CRTAC1: variants seen among roughly 807,000 people sequenced by gnomAD.
CRTAC1 encodes cartilage acidic protein 1.
CRTAC1 carries 37 observed loss-of-function variants against 67.8 expected under a neutral mutation model. The ratio of observed to expected loss-of-function variants is 0.55; its 90% CI spans 0.42 to 0.72. CRTAC1 has a LOEUF of 0.72. CRTAC1 is among the 30% of genes least tolerant of loss of function. The pLI is 0.00. For synonymous variants in CRTAC1, 348 were observed against 371.0 expected (o/e 0.94, Z 0.71); for missense variants, 780 against 931.6 (o/e 0.84, Z 2.12).
intron 11 of CRTAC1, among the ~76,000 whole-genome samples, chr10:97,889,798 T>C (rs2050341404): frequency 6.6e-6 from 1 of 152,066 alleles, no homozygotes; most frequent in Non-Finnish European, 1.5e-5. Flanking sequence ...GCAGGGGCCC[T>C]GGGGGCAGGC....
At chr10:97,906,188 G>C (rs2050609356) in intron 6 of CRTAC1, among the ~76,000 whole-genome samples, 1 of 152,188 alleles carries the variant, frequency 6.6e-6, no homozygotes, top group African/African-American at 2.4e-5. Flanking sequence ...GTGGGAAGAA[G>C]AGGCAGTGAG....
chr10:98,006,477 G>T (rs1393645182), intron 2 of CRTAC1, among the ~76,000 whole-genome samples: 1 of 152,148 alleles, frequency 6.6e-6, no homozygotes, highest in African/African-American at 2.4e-5. Flanking sequence ...AGAACAAAGG[G>T]CGGTCATTTC....
chr10:97,995,434 C>T (rs1842545224), intron 2 of CRTAC1, among the ~76,000 whole-genome samples: 1 of 152,208 alleles, frequency 6.6e-6, no homozygotes, highest in Non-Finnish European at 1.5e-5. Context: ...TTAAATCCTA[C>T]TTCCTTTAGT....
intron 1 of CRTAC1, among the ~76,000 whole-genome samples, chr10:98,028,829 G>A (rs1446256477): frequency 2.6e-5 from 4 of 152,140 alleles, no homozygotes; most frequent in East Asian, 3.8e-4. Flanking sequence ...AGGTACCCTA[G>A]GAGTTTGAAC....
intron 1 of CRTAC1, 121 bp from the exon 2 acceptor site, chr10:98,011,458 C>T (rs147168548): frequency 1.4e-3 from 1,632 of 1,149,248 alleles, no homozygotes; most frequent in Non-Finnish European, 1.8e-3. Context: ...CTTGACAGTG[C>T]CTAGGCTGCT....
chr10:97,955,434 G>C (rs1438903877), intron 2 of CRTAC1, among the ~76,000 whole-genome samples: 1 of 152,224 alleles, frequency 6.6e-6, no homozygotes, highest in Non-Finnish European at 1.5e-5. Context: ...ACACTGCACT[G>C]CTTAGCAATG....
At position 97,923,265 on chromosome 10, in the gene CRTAC1, T is replaced by C. The variant is rs141406261; in HGVS notation, c.557A>G (p.Lys186Arg). The C allele has an allele frequency of 5.5e-3, 8,878 of 1,614,018 alleles. 47 individuals are homozygous for C. Among genetic ancestry groups the C allele is most frequent in the Non-Finnish European group, 6.7e-3 (7,858 of 1,180,018 alleles). Residue 186 changes from lysine to arginine, a missense_variant and splice_region_variant, in exon 4 of 15, where the codon AAG becomes AGG. Physicochemically the swap from Lys to Arg is conservative, Grantham distance 26. Coordinates refer to ENST00000370597, the MANE Select transcript of CRTAC1 (RefSeq NM_018058.7). ...AGRSVACVDR[K>R]GSGRYSIYIA... Reference sequence around the variant, plus strand: ...GACCCCATGTGCCCCTGCACTCACCTTTCTGTCCACACAGGCCACAGAGCG... The same window carrying C: ...GACCCCATGTGCCCCTGCACTCACCCTTCTGTCCACACAGGCCACAGAGCG...
At chr10:97,872,107 TC>T (rs1270418575) in intron 14 of CRTAC1, among the ~76,000 whole-genome samples, 1 of 149,278 alleles carries the variant, frequency 6.7e-6, no homozygotes, top group Admixed American at 6.8e-5. Context: ...TCTTACTCAC[TC>T]CCCACCCCCA....
chr10:97,902,143 A>G (rs969483627), intron 7 of CRTAC1, among the ~76,000 whole-genome samples: 1 of 152,148 alleles, frequency 6.6e-6, no homozygotes, highest in Admixed American at 6.5e-5. Context: ...AGGCTCCACC[A>G]CTGACTAGCT....
chr10:97,865,814 T>TGGGG, intron 14 of CRTAC1, 100 bp from the exon 15 acceptor site: 1 of 413,022 alleles, frequency 2.4e-6, no homozygotes, highest in Non-Finnish European at 4.4e-6. Flanking sequence ...CTCACCCTGC[T>TGGGG]GCCCGGGGTG....
chr10:97,871,825 G>A (rs984241626), intron 14 of CRTAC1, among the ~76,000 whole-genome samples: 3 of 152,204 alleles, frequency 2.0e-5, no homozygotes, highest in Admixed American at 6.5e-5. Context: ...AGACCAGAGA[G>A]AAACTCGTGG....
At chr10:97,994,633 G>A (rs1264752381) in intron 2 of CRTAC1, among the ~76,000 whole-genome samples, 5 of 152,132 alleles carry the variant, frequency 3.3e-5, no homozygotes, top group Non-Finnish European at 7.4e-5. Flanking sequence ...ATGAGATGGG[G>A]GAGAGAACAA....
rs150518419 is a variant in CRTAC1 at position 97,905,454 on chromosome 10, C to T, written c.851-640G>A. Among the ~76,000 whole-genome samples the T allele has an allele frequency of 2.2e-3, 328 of 152,340 alleles. 2 individuals are homozygous for T. Among genetic ancestry groups the T allele is most frequent in the African/African-American group, 7.6e-3 (317 of 41,578 alleles). On this transcript the variant is annotated intron_variant, in intron 6 of 14. Coordinates refer to ENST00000370597, the MANE Select transcript of CRTAC1 (RefSeq NM_018058.7). ...TCCTCCGGGAAGCCCTCCCTGACCA[C>T]GCATCTGAGACAGCTCATCTTGCCC...
At position 98,030,281 on chromosome 10, in the gene CRTAC1, C is replaced by A. The variant is rs1332192153; in HGVS notation, c.24+168G>T. ...GGGAGGCTCCGCGCGCCAATCGAGT[C>A]CAGCGCCTCCCAGCAAGTTAGGAGC... On this transcript the variant is annotated intron_variant, in intron 1 of 14. Transcript: ENST00000370597. This position sits in a 1 kb window ranked among gnomAD's most constrained non-coding sequence, Gnocchi z 4.2. Among the ~76,000 whole-genome samples, 2 of 152,160 alleles carry A rather than the reference C, an allele frequency of 1.3e-5. No individual in the cohort carries two copies. The highest frequency in any genetic ancestry group is 2.9e-5 in the Non-Finnish European group (2 of 68,000).
intron 2 of CRTAC1, among the ~76,000 whole-genome samples, chr10:97,982,834 G>A (rs1335695242): frequency 6.6e-6 from 1 of 152,214 alleles, no homozygotes; most frequent in Non-Finnish European, 1.5e-5. Context: ...AGACCACTAA[G>A]AATTGAAGAA....
rs946577701 is a variant in CRTAC1, at chr10:97,994,204, T to C, written c.224+16934A>G. On this transcript the variant is annotated intron_variant, in intron 2 of 14. Transcript: ENST00000370597. ...AATAACATTGGGATATATTTTTGGTTTGAGTTTTATTTTAAATCTGATTCA... is the reference window on the plus strand; with the variant it reads ...AATAACATTGGGATATATTTTTGGTCTGAGTTTTATTTTAAATCTGATTCA... Among the ~76,000 whole-genome samples the C allele has an allele frequency of 5.3e-5, 8 of 152,314 alleles. No individual in the cohort carries two copies. In the East Asian group the frequency reaches 5.8e-4, roughly 11 times the overall value.
chr10:98,001,939 C>T (rs1389972580), intron 2 of CRTAC1, among the ~76,000 whole-genome samples: 3 of 152,324 alleles, frequency 2.0e-5, no homozygotes, highest in South Asian at 4.1e-4. Flanking sequence ...GTCAGATCCG[C>T]CCCCTGGAGC....
chr10:97,945,419 G>A (rs1425554330), intron 2 of CRTAC1, among the ~76,000 whole-genome samples: 1 of 152,170 alleles, frequency 6.6e-6, no homozygotes. Context: ...CTTTGGAAAT[G>A]TGTGTAATGC....
chr10:98,009,376 T>C (rs367989172), intron 2 of CRTAC1, among the ~76,000 whole-genome samples: 10 of 152,208 alleles, frequency 6.6e-5, no homozygotes, highest in African/African-American at 2.4e-4. Context: ...CCAATCTACA[T>C]CTAGAAGGCC....
Sources: gnomAD v4.1 joint callset for allele counts (sites outside exome capture counted in the v4.1 genomes callset) on GRCh38, gnomAD v4.1.1 for gene constraint, Gnocchi (gnomAD v3.1) non-coding constraint, MANE v1.5 for transcripts, NCBI Gene and HGNC (gene_info 2026-07-23, HGNC 2026-07-21) for gene names.